CEP128: variants seen among roughly 807,000 people sequenced by gnomAD.
The protein encoded by CEP128 is centrosomal protein 128, also known as centrosomal protein 128kDa.
A neutral mutation model predicts 156.7 loss-of-function variants in CEP128; 132 were observed. That is an observed-to-expected ratio of 0.84 (90% CI 0.73 to 0.97). The LOEUF (loss-of-function observed/expected upper bound fraction) is 0.97. CEP128 is among the 50% of genes least tolerant of loss of function. The pLI is 0.00. For missense variants in CEP128, 1,252 were observed against 1,281.9 expected (o/e 0.98, Z 0.36); for synonymous variants, 469 against 448.9 (o/e 1.04, Z -0.57).
chr14:80,690,214 C>T (rs1313950393), intron 19 of CEP128, among the ~76,000 whole-genome samples: 14 of 148,532 alleles, frequency 9.4e-5, no homozygotes, highest in Admixed American at 8.1e-4. Flanking sequence ...CGAGACCAGC[C>T]TGACCAACAC....
intron 13 of CEP128, among the ~76,000 whole-genome samples, chr14:80,808,550 C>T (rs1203861598): frequency 6.6e-6 from 1 of 152,082 alleles, no homozygotes; most frequent in Non-Finnish European, 1.5e-5. Flanking sequence ...CCTGGACCAC[C>T]GCTACCACTA....
In CEP128 at chr14:80,565,204, C is replaced by G. The variant is rs551734302; in HGVS notation, c.2857-5902G>C. Among the ~76,000 whole-genome samples, 54 of 152,268 alleles carry G rather than the reference C, an allele frequency of 3.5e-4. No homozygotes were observed. The South Asian group carries it at 0.01, about 29-fold the overall frequency. ...CAGTGCTTGAGATAGTTTGCAGACCCTGCACTGGATGGATCAGCTGACACT... is the reference window on the plus strand; with the variant it reads ...CAGTGCTTGAGATAGTTTGCAGACCGTGCACTGGATGGATCAGCTGACACT... On this transcript the variant is annotated intron_variant, in intron 20 of 24. Transcript: ENST00000555265.
chr14:80,902,557 T>A (rs1663680794), intron 6 of CEP128, among the ~76,000 whole-genome samples: 1 of 152,010 alleles, frequency 6.6e-6, no homozygotes. Context: ...AGTGCAGAAC[T>A]CCCCCAGCCC....
upstream of CEP128, among the ~76,000 whole-genome samples, chr14:80,943,662 T>G (rs577379604): frequency 6.6e-6 from 1 of 152,164 alleles, no homozygotes; most frequent in African/African-American, 2.4e-5. Flanking sequence ...TCAGCTTTGG[T>G]GTGCTCTCAG....
Position 80,914,423 on chromosome 14 carries a change from T to G in CEP128, c.148-15A>C, listed in dbSNP as rs765582288. The G allele has an allele frequency of 6.3e-7, 1 of 1,585,684 alleles. No homozygotes were observed. Among genetic ancestry groups the G allele is most frequent in the East Asian group, 2.2e-5 (1 of 44,694 alleles). On this transcript the variant is annotated splice_polypyrimidine_tract_variant and intron_variant, in intron 3 of 24. Transcript: ENST00000555265. ...CGACTGGTATCCTTGAGAAAGAAAATGGACTGAATTAATTATTCCAAATAC... is the reference window on the plus strand; with the variant it reads ...CGACTGGTATCCTTGAGAAAGAAAAGGGACTGAATTAATTATTCCAAATAC...
At chr14:80,515,496 A>G (rs1888444711) in intron 23 of CEP128, among the ~76,000 whole-genome samples, 1 of 152,176 alleles carries the variant, frequency 6.6e-6, no homozygotes, top group Non-Finnish European at 1.5e-5. Flanking sequence ...GCCCATGATG[A>G]GTACTGCCTG....
rs397798792 is a variant in CEP128, at chr14:80,734,846, CAAAAAAAAAA to C, written c.2806+8219_2806+8228del. ...CTGGTGACATATCAAGACCCCATCT[CAAAAAAAAAA>C]AAAAAAAAAAAAAGGAAAAACAGTA... On this transcript the variant is annotated intron_variant, in intron 19 of 24. Transcript: ENST00000555265. Among the ~76,000 whole-genome samples, 7 of 62,070 alleles carry C rather than the reference CAAAAAAAAAA, an allele frequency of 1.1e-4. No homozygotes were observed. The South Asian group carries it at 4.1e-3, about 36-fold the overall frequency. 40.7% of individuals were successfully genotyped at this position (62,070 alleles called of 152,430 possible).
At chr14:80,541,093 G>C (rs1391585562) in intron 21 of CEP128, among the ~76,000 whole-genome samples, 1 of 152,144 alleles carries the variant, frequency 6.6e-6, no homozygotes, top group Non-Finnish European at 1.5e-5. Flanking sequence ...CAAGGTTATA[G>C]CTCAGCTTTG....
chr14:80,483,981 CTTT>C (rs991264627), intron 14 of CEP128, among the ~76,000 whole-genome samples: 1 of 151,228 alleles, frequency 6.6e-6, no homozygotes, highest in Non-Finnish European at 1.5e-5. Context: ...ATTCCTTTTT[CTTT>C]TTTTTTCTCT....
At chr14:80,616,107 A>G (rs916837724) in intron 19 of CEP128, among the ~76,000 whole-genome samples, 6 of 152,214 alleles carry the variant, frequency 3.9e-5, no homozygotes, top group Non-Finnish European at 8.8e-5. Context: ...GGCCTGTTCA[A>G]TTTCACTCTT....
chr14:80,819,239 C>CTTTTTTTTTTT (rs1187431254), intron 13 of CEP128, among the ~76,000 whole-genome samples: 1 of 82,748 alleles, frequency 1.2e-5, no homozygotes, highest in African/African-American at 5.6e-5. Context: ...TGGCATCTTC[C>CTTTTTTTTTTT]TTTTTTTTTT....
At chr14:80,544,601 G>A (rs1889903419) in intron 21 of CEP128, among the ~76,000 whole-genome samples, 1 of 152,132 alleles carries the variant, frequency 6.6e-6, no homozygotes, top group Non-Finnish European at 1.5e-5. Context: ...TGCAAGTTGT[G>A]CAAAATCTCA....
At chr14:80,520,254 ACT>A (rs1342281112) in intron 23 of CEP128, among the ~76,000 whole-genome samples, 1 of 152,064 alleles carries the variant, frequency 6.6e-6, no homozygotes, top group Non-Finnish European at 1.5e-5. Flanking sequence ...CCCCATCTCC[ACT>A]AAAAATACAA....
chr14:80,862,630 C>A (rs907501718), intron 9 of CEP128, 127 bp downstream of exon 9: 9 of 689,828 alleles, frequency 1.3e-5, no homozygotes, highest in Non-Finnish European at 2.3e-5. Flanking sequence ...TGAACTATAA[C>A]CAATATGTGA....
chr14:80,953,056 T>C (rs1321901198), intron 2 of CEP128, among the ~76,000 whole-genome samples: 5 of 152,156 alleles, frequency 3.3e-5, no homozygotes, highest in Admixed American at 2.6e-4. Flanking sequence ...CACTGGAGAA[T>C]TCTACCAAAT....
At chr14:80,515,567 A>G (rs72689031) in intron 23 of CEP128, among the ~76,000 whole-genome samples, 8,686 of 152,160 alleles carry the variant, frequency 0.057, 313 homozygotes, top group Non-Finnish European at 0.083. Flanking sequence ...CTCTTCATTC[A>G]GGTTGCGGTG....
Position 80,696,798 on chromosome 14 carries a change from T to C in CEP128, c.2806+46277A>G, listed in dbSNP as rs144214318. On this transcript the variant is annotated intron_variant, in intron 19 of 24. Coordinates refer to ENST00000555265, the MANE Select transcript of CEP128 (RefSeq NM_152446.5). ...AACAAACAAAAAATGGTGATCAAGA[T>C]GGTTCTTCAGAGACCTTTAAACAGG... Among the ~76,000 whole-genome samples, 606 of 152,304 alleles carry C rather than the reference T, an allele frequency of 4.0e-3. 5 individuals carry two copies. The highest frequency in any genetic ancestry group is 0.014 in the African/African-American group (591 of 41,572).
intron 19 of CEP128, among the ~76,000 whole-genome samples, chr14:80,629,622 C>A (rs199935554): frequency 7.9e-6 from 1 of 127,126 alleles, no homozygotes; most frequent in African/African-American, 3.8e-5. Flanking sequence ...CAAAGTAAAG[C>A]CTTTTTAAAT....
chr14:80,675,979 T>C (rs1896044467), intron 19 of CEP128, among the ~76,000 whole-genome samples: 1 of 152,136 alleles, frequency 6.6e-6, no homozygotes, highest in Non-Finnish European at 1.5e-5. Flanking sequence ...AGCCATGACA[T>C]TTATTAGCAT....
Sources: gnomAD v4.1 joint callset for allele counts (sites outside exome capture counted in the v4.1 genomes callset) on GRCh38, gnomAD v4.1.1 for gene constraint, MANE v1.5 for transcripts, NCBI Gene and HGNC (gene_info 2026-07-23, HGNC 2026-07-21) for gene names.